The following FBXO34 variants were observed in gnomAD, a reference collection of about 807,000 sequenced individuals.
FBXO34 encodes the protein F-box only protein 34.
FBXO34 carries 12 observed loss-of-function variants against 24.5 expected under a neutral mutation model. The ratio of observed to expected loss-of-function variants is 0.49; its 90% CI spans 0.31 to 0.79. FBXO34 has a LOEUF of 0.79. FBXO34 is among the 30% of genes least tolerant of loss of function. The pLI is 0.04. For missense variants in FBXO34, 823 were observed against 857.7 expected, an observed-to-expected ratio of 0.96 and a Z score of 0.51; for synonymous variants, 320 against 311.9, an observed-to-expected ratio of 1.03 and a Z score of -0.27.
At chr14:55,286,451 T>C (rs1160446649) in intron 1 of FBXO34, among the ~76,000 whole-genome samples, 1 of 152,228 alleles carries the variant, frequency 6.6e-6, no homozygotes, top group East Asian at 1.9e-4. Flanking sequence ...TCCTTGTGCA[T>C]TGTATTTGTT....
At chr14:55,373,088 C>G (rs1884854391), downstream of FBXO34, among the ~76,000 whole-genome samples, 1 of 152,182 alleles carries the variant, frequency 6.6e-6, no homozygotes, top group South Asian at 2.1e-4. Context: ...CTGCCAGACC[C>G]CAAGCTAGAG....
chr14:55,382,229 A>G, the FBXO34 span: 3 of 1,580,560 alleles, frequency 1.9e-6, no homozygotes, highest in Non-Finnish European at 2.6e-6. Context: ...TTCAAGAGAG[A>G]GGGTTTTTAA....
intron 1 of FBXO34, among the ~76,000 whole-genome samples, chr14:55,322,390 T>C (rs1450794269): frequency 6.6e-6 from 1 of 151,638 alleles, no homozygotes; most frequent in African/African-American, 2.4e-5. Flanking sequence ...AAACTACATA[T>C]AGTCTTTTCA....
chr14:55,442,525 G>T, the FBXO34 span, among the ~76,000 whole-genome samples: 1 of 152,154 alleles, frequency 6.6e-6, no homozygotes, highest in African/African-American at 2.4e-5. Flanking sequence ...AAACTGGATG[G>T]ATGAAGGAAA....
chr14:55,367,345 AC>A (rs1188496292), exon 3 of FBXO34: 1 of 152,228 alleles, frequency 6.6e-6, no homozygotes, highest in African/African-American at 2.4e-5. Flanking sequence ...GTTCAAGTCT[AC>A]CATCTTCACT....
the FBXO34 span, among the ~76,000 whole-genome samples, chr14:55,412,105 A>T: frequency 6.6e-6 from 1 of 152,270 alleles, no homozygotes; most frequent in Admixed American, 6.5e-5. Flanking sequence ...AAACTTGTGC[A>T]GAAAATTGTA....
intron 1 of FBXO34, among the ~76,000 whole-genome samples, chr14:55,282,068 C>T (rs1440029632): frequency 2.9e-5 from 4 of 136,318 alleles, no homozygotes; most frequent in Non-Finnish European, 6.1e-5. Context: ...ACGATCTCGG[C>T]TCTCTGCAAT....
At chr14:55,273,194 C>G (rs1342628369) in intron 1 of FBXO34, among the ~76,000 whole-genome samples, 1 of 151,086 alleles carries the variant, frequency 6.6e-6, no homozygotes. Context: ...TTTCCTCTCT[C>G]TCAATACTTC....
intron 1 of FBXO34, among the ~76,000 whole-genome samples, chr14:55,306,188 T>C (rs1453982656): frequency 6.6e-6 from 1 of 152,228 alleles, no homozygotes; most frequent in Non-Finnish European, 1.5e-5. Flanking sequence ...AGTTGCTTAA[T>C]TGCTAAATGT....
At chr14:55,328,173 G>A (rs1883414101) in intron 1 of FBXO34, among the ~76,000 whole-genome samples, 1 of 151,864 alleles carries the variant, frequency 6.6e-6, no homozygotes, top group Non-Finnish European at 1.5e-5. Context: ...TGGCCAGGCT[G>A]GTCTCGAACT....
chr14:55,338,322 T>C (rs1883863764), intron 1 of FBXO34, among the ~76,000 whole-genome samples: 1 of 152,002 alleles, frequency 6.6e-6, no homozygotes, highest in African/African-American at 2.4e-5. Context: ...GTGTTAGGAT[T>C]ACAGGCATGA....
downstream of FBXO34, among the ~76,000 whole-genome samples, chr14:55,366,168 GA>G (rs1007348989): frequency 6.6e-5 from 10 of 152,162 alleles, no homozygotes; most frequent in Admixed American, 3.9e-4. Flanking sequence ...CGTCTTTAGG[GA>G]AAGTATGCAA....
the FBXO34 span, among the ~76,000 whole-genome samples, chr14:55,380,843 C>A: frequency 8.4e-6 from 1 of 118,558 alleles, no homozygotes; most frequent in African/African-American, 3.8e-5. Flanking sequence ...ATAAATGGTC[C>A]ATTCTTTGTG....
downstream of FBXO34, among the ~76,000 whole-genome samples, chr14:55,370,611 C>T (rs1383241351): frequency 4.0e-5 from 6 of 151,750 alleles, no homozygotes; most frequent in African/African-American, 1.5e-4. Context: ...CACAGGGAAC[C>T]GAGTCAGCAA....
At chr14:55,287,792 GTC>G (rs1279889876) in intron 1 of FBXO34, among the ~76,000 whole-genome samples, 32 of 152,194 alleles carry the variant, frequency 2.1e-4, no homozygotes, top group African/African-American at 7.5e-4. Flanking sequence ...TGTCTTAGAA[GTC>G]TCTCTGTGAT....
intron 1 of FBXO34, among the ~76,000 whole-genome samples, chr14:55,308,013 C>G (rs1015453199): frequency 3.9e-5 from 6 of 152,128 alleles, no homozygotes; most frequent in African/African-American, 1.4e-4. Context: ...CTGTTCTCCT[C>G]GTGGTAATAA....
chr14:55,313,351 G>GACCATATCACTATCA, intron 1 of FBXO34, among the ~76,000 whole-genome samples: 1 of 152,210 alleles, frequency 6.6e-6, no homozygotes, highest in Non-Finnish European at 1.5e-5. Context: ...TTTGGTCAGA[G>GACCATATCACTATCA]CCATTCAGCA....
intron 1 of FBXO34, among the ~76,000 whole-genome samples, chr14:55,275,784 A>G (rs919696217): frequency 1.6e-4 from 24 of 145,838 alleles, no homozygotes; most frequent in Non-Finnish European, 3.1e-4. Context: ...AGATGGCGCC[A>G]CTGCACTTAA....
chr14:55,332,061 T>C (rs1191916369), intron 1 of FBXO34, among the ~76,000 whole-genome samples: 18 of 134,670 alleles, frequency 1.3e-4, no homozygotes, highest in South Asian at 2.3e-4. Flanking sequence ...TATATATATA[T>C]ACCACCGTGG....
Sources: allele counts gnomAD v4.1 joint callset (sites outside exome capture counted in the v4.1 genomes callset), GRCh38; gene constraint gnomAD v4.1.1; transcripts MANE v1.5; gene names NCBI Gene and HGNC (gene_info 2026-07-23, HGNC 2026-07-21).